KCNIP4: variants seen among roughly 807,000 people sequenced by gnomAD.
KCNIP4 encodes the protein potassium voltage-gated channel interacting protein 4.
A neutral mutation model predicts 34.0 loss-of-function variants in KCNIP4; 12 were observed. That is an observed-to-expected ratio of 0.35 (90% CI 0.23 to 0.57). The LOEUF (loss-of-function observed/expected upper bound fraction) is 0.57, where lower values mean the gene tolerates loss of function less well. Ranked by LOEUF, KCNIP4 falls within the 20% of genes least tolerant of loss-of-function variation. The pLI, the probability that KCNIP4 is intolerant of heterozygous loss-of-function variation, is 0.83. For synonymous variants in KCNIP4, 124 were observed against 102.2 expected, an observed-to-expected ratio of 1.21 and a Z score of -1.29; for missense variants, 238 against 311.7, an observed-to-expected ratio of 0.76 and a Z score of 1.78.
chr4:21,136,525 C>G (rs1294902980), intron 1 of KCNIP4, among the ~76,000 whole-genome samples: 1 of 152,154 alleles, frequency 6.6e-6, no homozygotes, highest in African/African-American at 2.4e-5. Flanking sequence ...CTTGAGAAAA[C>G]TGATTGCTAG....
chr4:21,856,036 A>C (rs1724731225), intron 1 of KCNIP4, among the ~76,000 whole-genome samples: 1 of 152,248 alleles, frequency 6.6e-6, no homozygotes, highest in South Asian at 2.1e-4. Flanking sequence ...AGTCACAATT[A>C]GCTGGAGCTG....
intron 1 of KCNIP4, among the ~76,000 whole-genome samples, chr4:21,145,232 A>T (rs1456992299): frequency 1.3e-5 from 2 of 152,198 alleles, no homozygotes; most frequent in Admixed American, 1.3e-4. Flanking sequence ...AGGCTTCCGT[A>T]GCTTTAGAAA....
At chr4:21,644,585 C>T (rs567703129) in intron 1 of KCNIP4, among the ~76,000 whole-genome samples, 7 of 152,260 alleles carry the variant, frequency 4.6e-5, no homozygotes, top group African/African-American at 1.7e-4. Flanking sequence ...ACCCTGATCC[C>T]CTTACTGTTT....
At chr4:20,949,678 A>T (rs1300994632) in intron 1 of KCNIP4, among the ~76,000 whole-genome samples, 1 of 152,148 alleles carries the variant, frequency 6.6e-6, no homozygotes, top group Non-Finnish European at 1.5e-5. Flanking sequence ...CTATGCAGCC[A>T]TAAAAAATGA....
intron 1 of KCNIP4, among the ~76,000 whole-genome samples, chr4:20,960,076 A>C (rs1012334256): frequency 3.3e-5 from 5 of 152,178 alleles, no homozygotes; most frequent in African/African-American, 1.2e-4. Flanking sequence ...ACAAATAAAT[A>C]CGTCAACAGT....
chr4:21,026,769 C>T lies in KCNIP4; in HGVS notation c.62-144060G>A, dbSNP rs530905750. Among the ~76,000 whole-genome samples, 66 of 152,272 alleles carry T rather than the reference C, an allele frequency of 4.3e-4. 1 individual carries two copies. In the South Asian group the frequency reaches 0.011, roughly 24 times the overall value. On this transcript the variant is annotated intron_variant, in intron 1 of 8. Coordinates refer to ENST00000382152, the MANE Select transcript of KCNIP4 (RefSeq NM_025221.6). ...CTTCTTTTTCCTGCAAGGACAATGG[C>T]TGAGAGTCAGTTAGGTGAAAACTGG...
At chr4:21,239,429 T>C (rs1359786986) in intron 1 of KCNIP4, among the ~76,000 whole-genome samples, 1 of 150,812 alleles carries the variant, frequency 6.6e-6, no homozygotes, top group African/African-American at 2.5e-5. Flanking sequence ...ACCATCAGAG[T>C]GAACAGGCAA....
intron 1 of KCNIP4, among the ~76,000 whole-genome samples, chr4:20,904,356 T>A (rs554166565): frequency 6.7e-6 from 1 of 148,778 alleles, no homozygotes; most frequent in Non-Finnish European, 1.5e-5. Flanking sequence ...TATACAGATA[T>A]ATAGATATAT....
At chr4:21,903,937 T>A (rs1348965484) in intron 1 of KCNIP4, among the ~76,000 whole-genome samples, 1 of 152,198 alleles carries the variant, frequency 6.6e-6, no homozygotes, top group Admixed American at 6.6e-5. Flanking sequence ...TCGTCTCATA[T>A]CTTCAAAATA....
At chr4:21,479,914 G>A (rs358588) in intron 1 of KCNIP4, among the ~76,000 whole-genome samples, 104,740 of 151,404 alleles carry the variant, frequency 0.69, 36,619 homozygotes, top group African/African-American at 0.79. Flanking sequence ...CATTTAAGAA[G>A]TGAGAATATT....
chr4:21,284,590 G>A (rs73802541), intron 1 of KCNIP4, among the ~76,000 whole-genome samples: 3,776 of 152,276 alleles, frequency 0.025, 140 homozygotes, highest in African/African-American at 0.084. Context: ...AGGGATAGGA[G>A]CTAAGATTTT....
intron 1 of KCNIP4, among the ~76,000 whole-genome samples, chr4:21,356,936 C>A (rs1322768736): frequency 6.6e-6 from 1 of 152,138 alleles, no homozygotes; most frequent in African/African-American, 2.4e-5. Flanking sequence ...GCTATAGTAA[C>A]AAAAACAGCA....
intron 1 of KCNIP4, among the ~76,000 whole-genome samples, chr4:21,809,849 CT>C (rs1277861783): frequency 1.1e-4 from 16 of 152,248 alleles, no homozygotes; most frequent in African/African-American, 3.8e-4. Flanking sequence ...TTATATTAGC[CT>C]TTTACGATTC....
At chr4:21,419,697 G>A (rs1276255620) in intron 1 of KCNIP4, among the ~76,000 whole-genome samples, 2 of 152,038 alleles carry the variant, frequency 1.3e-5, no homozygotes, top group East Asian at 3.9e-4. Context: ...TAAGGAGAGG[G>A]AGGAAAATAT....
chr4:20,993,447 A>G (rs970569250), intron 1 of KCNIP4, among the ~76,000 whole-genome samples: 2 of 152,210 alleles, frequency 1.3e-5, no homozygotes, highest in African/African-American at 4.8e-5. Context: ...ATAGCTTCCA[A>G]GATTCATTGT....
At chr4:20,804,006 G>A (rs1377703746) in intron 3 of KCNIP4, among the ~76,000 whole-genome samples, 1 of 152,108 alleles carries the variant, frequency 6.6e-6, no homozygotes, top group Admixed American at 6.5e-5. Flanking sequence ...TCCCAAAGTA[G>A]TTGTGATGAT....
At chr4:21,198,624 C>T (rs879438902) in intron 1 of KCNIP4, among the ~76,000 whole-genome samples, 3 of 152,204 alleles carry the variant, frequency 2.0e-5, no homozygotes, top group Non-Finnish European at 4.4e-5. Flanking sequence ...GTCTGGAACA[C>T]TTCCTTACCA....
intron 1 of KCNIP4, among the ~76,000 whole-genome samples, chr4:21,050,006 A>G (rs901008752): frequency 8.5e-5 from 13 of 152,238 alleles, no homozygotes; most frequent in African/African-American, 3.1e-4. Flanking sequence ...AGTAGCTGCT[A>G]TAATATACTC....
intron 3 of KCNIP4, among the ~76,000 whole-genome samples, chr4:20,795,205 A>G (rs1408463228): frequency 1.3e-5 from 2 of 152,146 alleles, no homozygotes; most frequent in African/African-American, 4.8e-5. Flanking sequence ...ATCATAAAGA[A>G]GAGGTGTCTT....
Sources: gnomAD v4.1 joint callset for allele counts (sites outside exome capture counted in the v4.1 genomes callset) on GRCh38, gnomAD v4.1.1 for gene constraint, MANE v1.5 for transcripts, NCBI Gene and HGNC (gene_info 2026-07-23, HGNC 2026-07-21) for gene names.